Variants in RNLS observed in about 807,000 individuals in gnomAD.
RNLS encodes renalase, FAD dependent amine oxidase.
In RNLS, 39 loss-of-function variants were observed where a neutral mutation model predicts 39.8. The observed-to-expected ratio is 0.98, with a 90% CI of 0.76 to 1.28. The LOEUF is 1.28. RNLS is among the 50% of genes most tolerant of loss of function. RNLS has a pLI of 0.00. For synonymous variants in RNLS, 147 were observed against 150.7 expected, an observed-to-expected ratio of 0.98 and a Z score of 0.18; for missense variants, 410 against 413.3, an observed-to-expected ratio of 0.99 and a Z score of 0.07.
chr10:88,377,750 A>C (rs2133480900), intron 4 of RNLS, among the ~76,000 whole-genome samples: 1 of 152,332 alleles, frequency 6.6e-6, no homozygotes, highest in East Asian at 1.9e-4. Context: ...ACATTGCTGT[A>C]ATCTTCTGTA....
the RNLS span, among the ~76,000 whole-genome samples, chr10:88,185,211 T>C: frequency 6.6e-6 from 1 of 152,142 alleles, no homozygotes; most frequent in Non-Finnish European, 1.5e-5. Context: ...TTACCATCTA[T>C]ACAACACAGA....
intron 4 of RNLS, among the ~76,000 whole-genome samples, chr10:88,544,570 C>A (rs1848202621): frequency 6.6e-6 from 1 of 152,186 alleles, no homozygotes; most frequent in Admixed American, 6.6e-5. Context: ...TTTTGACTCA[C>A]AAGAATCTTT....
At chr10:88,531,092 T>C (rs1341614684) in intron 4 of RNLS, among the ~76,000 whole-genome samples, 1 of 152,152 alleles carries the variant, frequency 6.6e-6, no homozygotes, top group Non-Finnish European at 1.5e-5. Flanking sequence ...GAGTAAATGT[T>C]CTCAGTGAAT....
the RNLS span, among the ~76,000 whole-genome samples, chr10:88,239,201 C>A: frequency 6.6e-6 from 1 of 152,160 alleles, no homozygotes; most frequent in African/African-American, 2.4e-5. Context: ...CAGCACATGT[C>A]GAGGCCTGCT....
intron 6 of RNLS, among the ~76,000 whole-genome samples, chr10:88,311,366 TAATTC>T (rs1490425128): frequency 1.3e-5 from 2 of 152,208 alleles, no homozygotes; most frequent in African/African-American, 4.8e-5. Context: ...ACAGAAACCT[TAATTC>T]AATGCATAAC....
At chr10:88,359,138 C>A (rs1589643565) in intron 5 of RNLS, among the ~76,000 whole-genome samples, 1 of 151,994 alleles carries the variant, frequency 6.6e-6, no homozygotes, top group Non-Finnish European at 1.5e-5. Context: ...CTTGGTGAAG[C>A]CCCGTCTCTA....
intron 4 of RNLS, among the ~76,000 whole-genome samples, chr10:88,557,158 T>C (rs1229562410): frequency 6.6e-6 from 1 of 152,180 alleles, no homozygotes; most frequent in Non-Finnish European, 1.5e-5. Context: ...TATTTTCATA[T>C]GCATTTGGCA....
At chr10:88,183,047 G>A in the RNLS span, among the ~76,000 whole-genome samples, 1 of 152,082 alleles carries the variant, frequency 6.6e-6, no homozygotes, top group South Asian at 2.1e-4. Flanking sequence ...TGCAAAGTAT[G>A]CATGCTGTCT....
At chr10:88,274,465 C>T (rs1396957426) in exon 7 of RNLS, 1 of 153,886 alleles carries the variant, frequency 6.5e-6, no homozygotes, top group Non-Finnish European at 1.4e-5. Flanking sequence ...TTGTGATAGG[C>T]TTATTCCACT....
At chr10:88,562,251 A>AGTAAAG (rs1849236245) in intron 4 of RNLS, among the ~76,000 whole-genome samples, 2 of 152,170 alleles carry the variant, frequency 1.3e-5, no homozygotes, top group Non-Finnish European at 2.9e-5. Context: ...TTCAAGGCAT[A>AGTAAAG]GCATTTAATA....
intron 4 of RNLS, among the ~76,000 whole-genome samples, chr10:88,500,417 C>A (rs1205213990): frequency 1.3e-5 from 2 of 152,172 alleles, no homozygotes; most frequent in Admixed American, 1.3e-4. Flanking sequence ...CTTTCCTCTT[C>A]AGTGATTTTG....
chr10:88,562,378 T>C (rs746959866), intron 4 of RNLS, among the ~76,000 whole-genome samples: 1 of 152,144 alleles, frequency 6.6e-6, no homozygotes, highest in Non-Finnish European at 1.5e-5. Flanking sequence ...ATAAATCAGA[T>C]GTTTATCTAA....
intron 5 of RNLS, among the ~76,000 whole-genome samples, chr10:88,340,016 T>C (rs1238155018): frequency 1.3e-5 from 2 of 152,254 alleles, no homozygotes; most frequent in Admixed American, 6.5e-5. Flanking sequence ...ATTCTCTCCC[T>C]ACACCTCGTT....
At chr10:88,299,591 C>T (rs568658212) in intron 6 of RNLS, among the ~76,000 whole-genome samples, 1 of 152,342 alleles carries the variant, frequency 6.6e-6, no homozygotes. Context: ...TGCCACTGTA[C>T]TCCAGCCTGC....
intron 4 of RNLS, among the ~76,000 whole-genome samples, chr10:88,451,770 C>T (rs1425420715): frequency 6.6e-6 from 1 of 152,148 alleles, no homozygotes; most frequent in Admixed American, 6.5e-5. Context: ...GTAACTTGAC[C>T]CTATTGCCTA....
chr10:88,399,976 G>A (rs944843513), intron 4 of RNLS, among the ~76,000 whole-genome samples: 1 of 151,890 alleles, frequency 6.6e-6, no homozygotes, highest in African/African-American at 2.4e-5. Flanking sequence ...AGCATTCCTT[G>A]CCTTGTGGCT....
intron 4 of RNLS, among the ~76,000 whole-genome samples, chr10:88,389,742 A>G (rs1852086908): frequency 6.6e-6 from 1 of 152,222 alleles, no homozygotes; most frequent in African/African-American, 2.4e-5. Context: ...ACAAATGTCC[A>G]AAAACTATAA....
chr10:88,267,376 G>T, the RNLS span, among the ~76,000 whole-genome samples: 1 of 152,122 alleles, frequency 6.6e-6, no homozygotes, highest in African/African-American at 2.4e-5. Flanking sequence ...CAGAGTTTGA[G>T]ACCAGCCTGG....
At chr10:88,559,924 A>C (rs1399737764) in intron 4 of RNLS, among the ~76,000 whole-genome samples, 5 of 152,134 alleles carry the variant, frequency 3.3e-5, no homozygotes, top group African/African-American at 1.2e-4. Context: ...GGGGGTCAGA[A>C]AGACTTTTTT....
Sources: allele counts gnomAD v4.1 joint callset (sites outside exome capture counted in the v4.1 genomes callset), GRCh38; gene constraint gnomAD v4.1.1; transcripts MANE v1.5; gene names NCBI Gene and HGNC (gene_info 2026-07-23, HGNC 2026-07-21).